HPS5: variants seen among roughly 807,000 people sequenced by gnomAD.
HPS5 encodes BLOC-2 complex member HPS5.
HPS5 carries 83 observed loss-of-function variants against 128.0 expected under a neutral mutation model. The observed-to-expected ratio is 0.65, with a 90% CI of 0.54 to 0.78. The LOEUF (loss-of-function observed/expected upper bound fraction) is 0.78, where lower values mean the gene tolerates loss of function less well. Among genes scored for constraint, HPS5 ranks in the 30% least tolerant of loss-of-function variants. The pLI is 0.00. For synonymous variants in HPS5, 475 were observed against 470.2 expected (o/e 1.01, Z -0.13); for missense variants, 1,281 against 1,326.2 (o/e 0.97, Z 0.53).
intron 2 of HPS5, among the ~76,000 whole-genome samples, chr11:18,313,821 G>A (rs1023630435): frequency 6.7e-6 from 1 of 150,250 alleles, no homozygotes; most frequent in Non-Finnish European, 1.5e-5. Context: ...GGCTGAGGCA[G>A]TAGAATCACT....
chr11:18,298,862 A>C lies in HPS5; in HGVS notation c.1094T>G (p.Leu365Arg). Residue 365 changes from leucine to arginine, a missense_variant, in exon 10 of 23, where the codon CTA becomes CGA. By Grantham distance (102) the Leu-to-Arg change is moderately radical. Transcript: ENST00000349215. ...ISVERCVERL[L>R]RRGLWNLAAR... ...AGCCAAGTTCCATAGGCCTCTTCTT[A>C]GCAGGCGTTCCACACAGCGCTCCAC... 6.2e-7 allele frequency: 1 copy of C among 1,614,222 alleles called. No individual in the cohort carries two copies. The highest frequency in any genetic ancestry group is 1.6e-4 in the Middle Eastern group (1 of 6,062).
chr11:18,300,514 T>G (rs981008363), intron 9 of HPS5, among the ~76,000 whole-genome samples: 3 of 151,644 alleles, frequency 2.0e-5, no homozygotes, highest in African/African-American at 7.3e-5. Context: ...CTGGCCAACA[T>G]GGCGAAACTC....
rs779489534 is a variant in HPS5, at chr11:18,317,747, T to C, written c.108+4A>G. 1 of 1,612,962 alleles carries C rather than the reference T, an allele frequency of 6.2e-7. No homozygotes were observed. The highest frequency in any genetic ancestry group is 1.1e-5 in the South Asian group (1 of 90,738). ...GAAACTGATACAAGGATCAAGAAATTCACCTTTAGACGACTGGAGTCCAGC... is the reference window on the plus strand; with the variant it reads ...GAAACTGATACAAGGATCAAGAAATCCACCTTTAGACGACTGGAGTCCAGC... On this transcript the variant is annotated splice_donor_region_variant and intron_variant, in intron 2 of 22. Transcript: ENST00000349215.
chr11:18,291,472 C>T lies in HPS5; in HGVS notation c.2410G>A (p.Val804Ile). ...IKLSYSNSPSVWDTFIEGLKE... is the reference protein window; with the variant it reads ...IKLSYSNSPSIWDTFIEGLKE... ...AATCCTTCAATAAAAGTATCCCAAA[C>T]AGAAGGGCTATTACTGTAACTAAGC... Residue 804 changes from valine (V) to isoleucine (I), a missense_variant, in exon 16 of 23, where the codon GTT becomes ATT. Coordinates refer to ENST00000349215, the MANE Select transcript of HPS5 (RefSeq NM_181507.2). 4 of 1,611,446 alleles carry T rather than the reference C, an allele frequency of 2.5e-6. No individual in the cohort carries two copies. Among genetic ancestry groups the T allele is most frequent in the Non-Finnish European group, 3.4e-6 (4 of 1,177,702 alleles).
At chr11:18,293,769 C>G (rs1043547061) in intron 14 of HPS5, among the ~76,000 whole-genome samples, 22 of 152,094 alleles carry the variant, frequency 1.4e-4, no homozygotes, top group African/African-American at 5.3e-4. Flanking sequence ...GGAGAATACT[C>G]TGGATAGAAG....
At chr11:18,316,451 T>C (rs1264253829) in intron 2 of HPS5, among the ~76,000 whole-genome samples, 1 of 152,234 alleles carries the variant, frequency 6.6e-6, no homozygotes, top group Admixed American at 6.5e-5. Context: ...TACCATTTTA[T>C]TTTCAATCAA....
intron 8 of HPS5, among the ~76,000 whole-genome samples, chr11:18,301,454 CAAAAAA>C (rs899074500): frequency 7.7e-5 from 4 of 52,098 alleles, no homozygotes; most frequent in Admixed American, 4.2e-4. Flanking sequence ...GACTCTGTCT[CAAAAAA>C]AAAAAAAAAA....
chr11:18,318,701 C>T (rs1453198085), intron 1 of HPS5, among the ~76,000 whole-genome samples: 1 of 152,224 alleles, frequency 6.6e-6, no homozygotes, highest in Non-Finnish European at 1.5e-5. Context: ...TTCTCAATCA[C>T]TTGTTACCTG....
At chr11:18,307,378 G>A (rs777032398) in intron 6 of HPS5, among the ~76,000 whole-genome samples, 4 of 152,194 alleles carry the variant, frequency 2.6e-5, no homozygotes, top group Non-Finnish European at 5.9e-5. Context: ...GAACATAGGT[G>A]TAAGAGTGCT....
chr11:18,316,161 A>C (rs1359092373), intron 2 of HPS5, among the ~76,000 whole-genome samples: 1 of 152,142 alleles, frequency 6.6e-6, no homozygotes, highest in Admixed American at 6.5e-5. Flanking sequence ...CTGGCATGGT[A>C]TCGAGTATGT....
intron 21 of HPS5, among the ~76,000 whole-genome samples, chr11:18,282,803 T>C (rs1859177811): frequency 6.6e-6 from 1 of 152,096 alleles, no homozygotes; most frequent in Non-Finnish European, 1.5e-5. Flanking sequence ...CTGGAAGATC[T>C]GAGAAGGGCT....
chr11:18,316,004 C>T (rs914908369), intron 2 of HPS5, among the ~76,000 whole-genome samples: 2 of 152,214 alleles, frequency 1.3e-5, no homozygotes, highest in Admixed American at 1.3e-4. Flanking sequence ...CTCCTGTTAT[C>T]CCAGTGCTTT....
chr11:18,286,930 A>G (rs1446454764), intron 18 of HPS5: 11 of 623,552 alleles, frequency 1.8e-5, no homozygotes, highest in Admixed American at 1.2e-4. Context: ...AAGGGAGAGA[A>G]AGAGAGAGAG....
At chr11:18,288,256 G>C (rs1340968397) in intron 16 of HPS5, among the ~76,000 whole-genome samples, 3 of 152,054 alleles carry the variant, frequency 2.0e-5, no homozygotes, top group African/African-American at 4.8e-5. Context: ...ATAAGACGAA[G>C]GAACATATAA....
chr11:18,294,828 TA>T (rs1188992201), intron 14 of HPS5, among the ~76,000 whole-genome samples, 191 bp downstream of exon 14: 3 of 147,354 alleles, frequency 2.0e-5, no homozygotes, highest in East Asian at 2.0e-4. Context: ...GCTGATGAGC[TA>T]TTAAAAAAAA....
At chr11:18,292,712 C>T (rs1003805207) in intron 15 of HPS5, among the ~76,000 whole-genome samples, 187 bp downstream of exon 15, 2 of 152,118 alleles carry the variant, frequency 1.3e-5, no homozygotes, top group Admixed American at 6.6e-5. Context: ...AACTTCAGTG[C>T]CTGGGTTTTT....
At chr11:18,294,847 A>C (rs562043867) in intron 14 of HPS5, among the ~76,000 whole-genome samples, 173 bp downstream of exon 14, 1 of 152,004 alleles carries the variant, frequency 6.6e-6, no homozygotes, top group South Asian at 2.1e-4. Flanking sequence ...AAAAAATCAC[A>C]AAAAAACTCA....
At chr11:18,319,692 T>C (rs544646682) in intron 1 of HPS5, among the ~76,000 whole-genome samples, 4 of 152,312 alleles carry the variant, frequency 2.6e-5, no homozygotes, top group Non-Finnish European at 4.4e-5. Context: ...ACAATTTCTG[T>C]AAAGTGCTGT....
Position 18,311,957 on chromosome 11 carries a change from A to T in HPS5, c.176T>A (p.Ile59Asn). 3.1e-6 allele frequency: 5 copies of T among 1,614,086 alleles called. No individual in the cohort carries two copies. Among genetic ancestry groups the T allele is most frequent in the Non-Finnish European group, 4.2e-6 (5 of 1,179,954 alleles). ...LGSSGGGLHL[I>N]QKEGWKHRLF... is the part of the protein sequence containing the mutation. Reference sequence around the variant, plus strand: ...CCTGTGCTTCCAGCCTTCTTTCTGAATGAGATGGAGTCCTCCTCCTGAACT... The same window carrying T: ...CCTGTGCTTCCAGCCTTCTTTCTGATTGAGATGGAGTCCTCCTCCTGAACT... Residue 59 changes from isoleucine (I) to asparagine (N), a missense_variant, in exon 3 of 23, where the codon ATT (isoleucine) becomes AAT (asparagine). By Grantham distance (149) the Ile-to-Asn change is moderately radical (BLOSUM62 -3). Coordinates refer to ENST00000349215, the MANE Select transcript of HPS5 (RefSeq NM_181507.2).
Sources: allele counts gnomAD v4.1 joint callset (sites outside exome capture counted in the v4.1 genomes callset), GRCh38; gene constraint gnomAD v4.1.1; transcripts MANE v1.5; gene names NCBI Gene and HGNC (gene_info 2026-07-23, HGNC 2026-07-21).